Variants in PRKN observed in about 807,000 individuals in gnomAD.
The protein encoded by PRKN is E3 ubiquitin-protein ligase parkin.
In PRKN, 56 loss-of-function variants were observed where a neutral mutation model predicts 59.5. The observed-to-expected ratio is 0.94, with a 90% CI of 0.76 to 1.18. PRKN has a LOEUF of 1.18. Among genes scored for constraint, PRKN ranks in the 50% most tolerant of loss-of-function variants. PRKN has a pLI of 0.00. For missense variants in PRKN, 657 were observed against 596.4 expected (o/e 1.10, Z -1.06); for synonymous variants, 250 against 222.1 (o/e 1.13, Z -1.12).
chr6:162,157,969 T>C (rs1290439887), intron 4 of PRKN, among the ~76,000 whole-genome samples: 1 of 152,014 alleles, frequency 6.6e-6, no homozygotes, highest in Non-Finnish European at 1.5e-5. Flanking sequence ...ATATCTGAAT[T>C]CATATTAAAG....
chr6:162,326,891 T>C (rs1783310093), intron 2 of PRKN, among the ~76,000 whole-genome samples: 1 of 152,164 alleles, frequency 6.6e-6, no homozygotes, highest in Admixed American at 6.6e-5. Flanking sequence ...GGAGTTATGG[T>C]TTAAAATCAT....
intron 4 of PRKN, among the ~76,000 whole-genome samples, chr6:162,123,392 T>A (rs1243600479): frequency 6.6e-6 from 1 of 152,228 alleles, no homozygotes; most frequent in Non-Finnish European, 1.5e-5. Flanking sequence ...AGAAAAGAGA[T>A]GTTATAAACA....
intron 1 of PRKN, among the ~76,000 whole-genome samples, chr6:162,650,221 T>G (rs1358604807): frequency 6.6e-6 from 1 of 151,924 alleles, no homozygotes; most frequent in Non-Finnish European, 1.5e-5. Context: ...GAGACGAGAG[T>G]GAAGAGAACA....
intron 6 of PRKN, among the ~76,000 whole-genome samples, chr6:161,847,933 T>A (rs898646791): frequency 6.6e-6 from 1 of 152,208 alleles, no homozygotes; most frequent in African/African-American, 2.4e-5. Context: ...GCTGGTGCTC[T>A]GCACACAGGG....
At chr6:162,486,857 G>A (rs901127641) in intron 1 of PRKN, among the ~76,000 whole-genome samples, 4 of 152,044 alleles carry the variant, frequency 2.6e-5, no homozygotes, top group Admixed American at 2.0e-4. Context: ...ATCACCTGAG[G>A]TCAGGAGTTC....
intron 1 of PRKN, among the ~76,000 whole-genome samples, chr6:162,545,031 A>G (rs1779063994): frequency 6.6e-6 from 1 of 150,788 alleles, no homozygotes. Context: ...TCACACCTGT[A>G]ATCCCAGCAC....
chr6:161,653,326 T>C (rs1353885136), intron 7 of PRKN, among the ~76,000 whole-genome samples: 1 of 152,176 alleles, frequency 6.6e-6, no homozygotes, highest in Non-Finnish European at 1.5e-5. Context: ...ATCACGCCAC[T>C]GCACTCCAGC....
chr6:161,946,414 ACTCTCTCTCTCT>A lies in PRKN; in HGVS notation c.734+26876_734+26887del, dbSNP rs61537965. ...CACACACACACACACACACACACAC[ACTCTCTCTCTCT>A]CTCTCTCTCTCTCTCTCTCTCTCTC... On this transcript the variant is annotated intron_variant, in intron 6 of 11. Coordinates refer to ENST00000366898, the MANE Select transcript of PRKN (RefSeq NM_004562.3). 4.1e-3 allele frequency among the ~76,000 whole-genome samples: 474 copies of A among 114,436 alleles called. 5 individuals carry two copies. The highest frequency in any genetic ancestry group is 0.019 in the Admixed American group (213 of 11,184). The allele number at this position is 114,436 out of a possible 152,430, so 75.1% of individuals were successfully genotyped here.
intron 6 of PRKN, among the ~76,000 whole-genome samples, chr6:161,811,128 T>C (rs1791540859): frequency 6.6e-6 from 1 of 152,202 alleles, no homozygotes; most frequent in Non-Finnish European, 1.5e-5. Flanking sequence ...TGATCTGTAT[T>C]AGCCAAAGCA....
intron 1 of PRKN, among the ~76,000 whole-genome samples, chr6:162,547,314 G>T (rs1425806382): frequency 6.6e-6 from 1 of 152,112 alleles, no homozygotes; most frequent in African/African-American, 2.4e-5. Context: ...TACACTAGCA[G>T]CATTTACTGA....
At chr6:161,789,940 T>C (rs929516711) in intron 6 of PRKN, among the ~76,000 whole-genome samples, 1 of 152,190 alleles carries the variant, frequency 6.6e-6, no homozygotes. Flanking sequence ...AACATCTACT[T>C]TGACTAAAGT....
At chr6:161,738,611 C>A (rs1788063106) in intron 7 of PRKN, among the ~76,000 whole-genome samples, 1 of 152,192 alleles carries the variant, frequency 6.6e-6, no homozygotes, top group African/African-American at 2.4e-5. Context: ...AGAGGCATGG[C>A]TTTGAACCTG....
chr6:161,570,147 ATAT>A (rs1357122070), intron 7 of PRKN, among the ~76,000 whole-genome samples: 44 of 82,008 alleles, frequency 5.4e-4, no homozygotes, highest in African/African-American at 1.8e-3. Flanking sequence ...AAAAAAAAAA[ATAT>A]ATATATATAT....
intron 4 of PRKN, among the ~76,000 whole-genome samples, chr6:162,082,055 G>T (rs1433162420): frequency 6.6e-6 from 1 of 152,082 alleles, no homozygotes; most frequent in Non-Finnish European, 1.5e-5. Flanking sequence ...ACAGGTCTTT[G>T]ATCTGGTTTG....
intron 2 of PRKN, among the ~76,000 whole-genome samples, chr6:162,406,432 T>A (rs6904788): frequency 0.11 from 16,081 of 152,220 alleles, 1,074 homozygotes; most frequent in African/African-American, 0.19. Context: ...AACATCTTCA[T>A]CAAATATTAT....
intron 1 of PRKN, among the ~76,000 whole-genome samples, chr6:162,546,589 G>A (rs1002717662): frequency 6.6e-6 from 1 of 151,538 alleles, no homozygotes; most frequent in Non-Finnish European, 1.5e-5. Flanking sequence ...GATTACAGGA[G>A]TGTGCCACCA....
chr6:162,393,097 G>T (rs907138312), intron 2 of PRKN, among the ~76,000 whole-genome samples: 5 of 150,056 alleles, frequency 3.3e-5, no homozygotes, highest in African/African-American at 1.2e-4. Context: ...GCAGAATCAT[G>T]TGCTACCATT....
chr6:161,878,330 T>A lies in PRKN; in HGVS notation c.735-92422A>T, dbSNP rs137907158. Reference sequence around the variant, plus strand: ...AAATTTCAAAATGGAAACTCACTCATATAACCAGGAACTGAATCAAGAAAT... The same window carrying A: ...AAATTTCAAAATGGAAACTCACTCAAATAACCAGGAACTGAATCAAGAAAT... On this transcript the variant is annotated intron_variant, in intron 6 of 11. Coordinates refer to ENST00000366898, the MANE Select transcript of PRKN (RefSeq NM_004562.3). Among the ~76,000 whole-genome samples, 33 of 152,306 alleles carry A rather than the reference T, an allele frequency of 2.2e-4. No homozygotes were observed. The East Asian group carries it at 6.2e-3, about 29-fold the overall frequency.
At chr6:162,702,635 C>T (rs1469042215) in intron 1 of PRKN, among the ~76,000 whole-genome samples, 2 of 152,182 alleles carry the variant, frequency 1.3e-5, no homozygotes, top group South Asian at 2.1e-4. Context: ...GCTGTATTCA[C>T]ATTAAATCAA....
Sources: gnomAD v4.1 joint callset for allele counts (sites outside exome capture counted in the v4.1 genomes callset) on GRCh38, gnomAD v4.1.1 for gene constraint, MANE v1.5 for transcripts, NCBI Gene and HGNC (gene_info 2026-07-23, HGNC 2026-07-21) for gene names.